Variants in PRKG2 observed in about 807,000 individuals in gnomAD.
PRKG2 encodes the protein cGMP-dependent protein kinase 2.
In PRKG2, 33 loss-of-function variants were observed where a neutral mutation model predicts 97.2. The observed-to-expected ratio is 0.34, with a 90% CI of 0.26 to 0.45. PRKG2 has a LOEUF of 0.45. Ranked by LOEUF, PRKG2 falls within the 20% of genes least tolerant of loss-of-function variation. PRKG2 has a pLI of 1.00. For synonymous variants in PRKG2, 330 were observed against 321.8 expected, an observed-to-expected ratio of 1.03 and a Z score of -0.27; for missense variants, 638 against 900.0, an observed-to-expected ratio of 0.71 and a Z score of 3.73.
At chr4:81,127,964 G>C (rs1326054745) in intron 14 of PRKG2, among the ~76,000 whole-genome samples, 4 of 152,076 alleles carry the variant, frequency 2.6e-5, no homozygotes, top group Admixed American at 6.5e-5. Flanking sequence ...ATAGGCTGTG[G>C]GTTTGTCATA....
Position 81,131,995 on chromosome 4 carries a change from G to A in PRKG2, c.1776+3160C>T, listed in dbSNP as rs368547395. On this transcript the variant is annotated intron_variant, in intron 14 of 18. Transcript: ENST00000264399. ...AAAAATGGCTGCTCAAATTTTTAAT[G>A]CAGTAATATTGAATCTTAGAGAGTA... is the stretch of plus-strand genomic sequence containing the variant. 1.1e-4 allele frequency among the ~76,000 whole-genome samples: 17 copies of A among 152,034 alleles called. No homozygotes were observed. The South Asian group carries it at 3.3e-3, about 30-fold the overall frequency.
intron 12 of PRKG2, among the ~76,000 whole-genome samples, chr4:81,139,658 C>T (rs367862679): frequency 2.6e-5 from 4 of 151,336 alleles, no homozygotes; most frequent in Non-Finnish European, 4.4e-5. Flanking sequence ...GCCTGTAGTT[C>T]CAGCTACTCT....
chr4:81,135,413 A>G, intron 13 of PRKG2, 117 bp from the exon 14 acceptor site: 2 of 1,076,160 alleles, frequency 1.9e-6, no homozygotes, highest in Non-Finnish European at 2.6e-6. Context: ...TTTGCAGGGT[A>G]TCAACAATAA....
intron 14 of PRKG2, among the ~76,000 whole-genome samples, chr4:81,130,636 T>A (rs1746081425): frequency 6.6e-6 from 1 of 152,132 alleles, no homozygotes; most frequent in African/African-American, 2.4e-5. Context: ...AGAGTAGTTT[T>A]ATCTATGAGC....
intron 14 of PRKG2, among the ~76,000 whole-genome samples, chr4:81,125,161 A>T (rs1034553521): frequency 1.3e-5 from 2 of 152,132 alleles, no homozygotes; most frequent in Non-Finnish European, 2.9e-5. Context: ...ACAATTTTTT[A>T]AATTGATTTA....
intron 2 of PRKG2, among the ~76,000 whole-genome samples, chr4:81,188,522 G>A (rs554013373): frequency 7.1e-6 from 1 of 140,760 alleles, no homozygotes; most frequent in Non-Finnish European, 1.5e-5. Flanking sequence ...CCCATTACTG[G>A]GTATATACCC....
chr4:81,130,908 AGCTT>A (rs1299744756), intron 14 of PRKG2, among the ~76,000 whole-genome samples: 4 of 152,296 alleles, frequency 2.6e-5, no homozygotes, highest in Middle Eastern at 3.4e-3. Flanking sequence ...AGTGAATCTT[AGCTT>A]GCTTGTCCCC....
At chr4:81,199,401 G>A (rs1306150702) in intron 2 of PRKG2, among the ~76,000 whole-genome samples, 1 of 152,094 alleles carries the variant, frequency 6.6e-6, no homozygotes, top group Non-Finnish European at 1.5e-5. Flanking sequence ...AAGGTCAAGA[G>A]TCCACCTCTG....
chr4:81,139,800 A>G (rs1366766573), intron 12 of PRKG2, among the ~76,000 whole-genome samples: 2 of 149,084 alleles, frequency 1.3e-5, no homozygotes, highest in East Asian at 2.0e-4. Context: ...AAAAAAAAAA[A>G]GAATCAAAAC....
At chr4:81,213,476 C>T (rs1295402759) in intron 1 of PRKG2, among the ~76,000 whole-genome samples, 1 of 152,074 alleles carries the variant, frequency 6.6e-6, no homozygotes, top group East Asian at 1.9e-4. Flanking sequence ...AGGCCTGTCA[C>T]AGCAAATGAG....
intron 15 of PRKG2, among the ~76,000 whole-genome samples, chr4:81,109,686 C>T (rs781451148): frequency 8.5e-5 from 13 of 152,142 alleles, no homozygotes; most frequent in Admixed American, 8.5e-4. Context: ...AACTTATCTT[C>T]CACACAAGCT....
At position 81,155,064 on chromosome 4, in the gene PRKG2, G is replaced by C. The variant is rs1271578899; in HGVS notation, c.913-1343C>G. 1.4e-3 allele frequency among the ~76,000 whole-genome samples: 217 copies of C among 149,770 alleles called. 1 individual carries two copies. The highest frequency in any genetic ancestry group is 2.6e-3 in the Non-Finnish European group (177 of 67,174). ...GTAGTGGCGGGCGCCTGTAGTCCCA[G>C]CTACTTGGGAGGCTGAGGCAGGAGA... On this transcript the variant is annotated intron_variant, in intron 6 of 18. Coordinates refer to ENST00000264399, the MANE Select transcript of PRKG2 (RefSeq NM_006259.3).
At chr4:81,156,118 A>T (rs1334164255) in intron 6 of PRKG2, among the ~76,000 whole-genome samples, 1 of 152,246 alleles carries the variant, frequency 6.6e-6, no homozygotes, top group African/African-American at 2.4e-5. Context: ...TGCTCCAATT[A>T]AAAGACACAG....
intron 4 of PRKG2, 74 bp from the exon 5 acceptor site, chr4:81,169,842 G>T: frequency 1.1e-6 from 1 of 948,584 alleles, no homozygotes; most frequent in Non-Finnish European, 1.6e-6. Flanking sequence ...TAAATCGATG[G>T]ATTTGTTATA....
At chr4:81,205,495 G>T (rs189592218) in intron 1 of PRKG2, among the ~76,000 whole-genome samples, 4 of 152,328 alleles carry the variant, frequency 2.6e-5, no homozygotes, top group Non-Finnish European at 5.9e-5. Context: ...TCCCCATGCG[G>T]CAACAGTAAG....
intron 2 of PRKG2, among the ~76,000 whole-genome samples, chr4:81,194,552 T>C (rs1476593132): frequency 6.6e-6 from 1 of 152,226 alleles, no homozygotes; most frequent in African/African-American, 2.4e-5. Flanking sequence ...AATACAGTTG[T>C]AATTTAATTC....
intron 2 of PRKG2, 82 bp from the exon 3 acceptor site, chr4:81,175,041 A>C: frequency 7.7e-6 from 10 of 1,295,264 alleles, no homozygotes; most frequent in Non-Finnish European, 1.0e-5. Context: ...TCTGATTCTC[A>C]ATAATATTAT....
At chr4:81,137,004 C>T (rs1215550274) in intron 13 of PRKG2, among the ~76,000 whole-genome samples, 1 of 152,096 alleles carries the variant, frequency 6.6e-6, no homozygotes. Context: ...ACTGAATCTT[C>T]GCAGGCATCT....
intron 16 of PRKG2, 149 bp from the exon 17 acceptor site, chr4:81,104,581 G>C (rs1430089594): frequency 1.5e-5 from 5 of 326,064 alleles, no homozygotes; most frequent in African/African-American, 1.1e-4. Context: ...TGCTACTGTA[G>C]ACCAGACATC....
Sources: allele counts gnomAD v4.1 joint callset (sites outside exome capture counted in the v4.1 genomes callset), GRCh38; gene constraint gnomAD v4.1.1; transcripts MANE v1.5; gene names NCBI Gene and HGNC (gene_info 2026-07-23, HGNC 2026-07-21).